RAP1A: variants seen among roughly 807,000 people sequenced by gnomAD.
RAP1A encodes ras-related protein Rap-1A.
In RAP1A, 6 loss-of-function variants were observed where a neutral mutation model predicts 26.4. The ratio of observed to expected loss-of-function variants is 0.23; its 90% CI spans 0.12 to 0.45. RAP1A has a LOEUF of 0.45. Ranked by LOEUF, RAP1A falls within the 20% of genes least tolerant of loss-of-function variation. The pLI is 0.99. For missense variants in RAP1A, 121 were observed against 217.2 expected, an observed-to-expected ratio of 0.56 and a Z score of 2.78; for synonymous variants, 73 against 79.4, an observed-to-expected ratio of 0.92 and a Z score of 0.43.
chr1:111,697,461 A>G lies in RAP1A; in HGVS notation c.147A>G (p.Gln49=). The stretch of plus-strand genomic sequence containing the variant: ...CACAGCAAGTTGAAGTCGATTGCCA[A>G]CAGTGTATGCTCGAAATCCTGGATA... ...SYRKQVEVDC[Q]QCMLEILDTA... The change falls in exon 4 of 8, where the codon CAA becomes CAG. Residue 49 remains glutamine (Q), a synonymous_variant. Coordinates refer to ENST00000369709, the MANE Select transcript of RAP1A (RefSeq NM_002884.4). The G allele has an allele frequency of 6.2e-7, 1 of 1,613,380 alleles. No individual in the cohort carries two copies. Among genetic ancestry groups the G allele is most frequent in the South Asian group, 1.1e-5 (1 of 91,040 alleles).
chr1:111,712,315 A>G (rs1658912608), intron 7 of RAP1A, 116 bp from the exon 8 acceptor site: 1 of 152,318 alleles, frequency 6.6e-6, no homozygotes, highest in Non-Finnish European at 1.5e-5. Context: ...TTCTCAAGTT[A>G]TGATCAGCTA....
chr1:111,664,391 A>C (rs1002337449), intron 1 of RAP1A, among the ~76,000 whole-genome samples: 449 of 150,762 alleles, frequency 3.0e-3, no homozygotes, highest in African/African-American at 0.01. Context: ...AAAAAAAAAA[A>C]AAAAAAACAA....
At chr1:111,584,740 T>G (rs924395851) in intron 1 of RAP1A, among the ~76,000 whole-genome samples, 1 of 152,174 alleles carries the variant, frequency 6.6e-6, no homozygotes, top group Non-Finnish European at 1.5e-5. Context: ...ATACTTTATA[T>G]GCCTGATGTG....
chr1:111,685,594 G>T (rs1026251229), intron 1 of RAP1A, among the ~76,000 whole-genome samples: 8 of 152,190 alleles, frequency 5.3e-5, no homozygotes, highest in African/African-American at 1.9e-4. Context: ...ACGCCAGTTA[G>T]AATAGCGATC....
chr1:111,565,193 C>T (rs1157342386), intron 1 of RAP1A, among the ~76,000 whole-genome samples: 1 of 152,106 alleles, frequency 6.6e-6, no homozygotes, highest in Non-Finnish European at 1.5e-5. Flanking sequence ...GCCAGTGTGG[C>T]TGGAGCAGAA....
intron 1 of RAP1A, among the ~76,000 whole-genome samples, chr1:111,688,097 C>CTTTT (rs542315869): frequency 1.6e-5 from 2 of 124,138 alleles, no homozygotes; most frequent in South Asian, 2.4e-4. Flanking sequence ...TTGCCTCCAG[C>CTTTT]TTTTTTTTTT....
intron 1 of RAP1A, among the ~76,000 whole-genome samples, chr1:111,664,908 G>T (rs1571542880): frequency 6.6e-6 from 1 of 152,272 alleles, no homozygotes; most frequent in East Asian, 1.9e-4. Context: ...TACTATTGTT[G>T]TGTTGTTGTT....
At chr1:111,569,018 C>T (rs1657984088) in intron 1 of RAP1A, among the ~76,000 whole-genome samples, 1 of 151,940 alleles carries the variant, frequency 6.6e-6, no homozygotes, top group Admixed American at 6.6e-5. Context: ...TTTTATTTTG[C>T]ATATTATTGA....
rs1339617971 is a variant in RAP1A at position 111,714,708 on chromosome 1, T to C, written c.*2307T>C. 6.6e-6 allele frequency: 1 copy of C among 152,220 alleles called. No individual in the cohort carries two copies. The highest frequency in any genetic ancestry group is 1.5e-5 in the Non-Finnish European group (1 of 68,046). 9.4% of individuals were successfully genotyped at this position (152,220 alleles called of 1,614,324 possible). On this transcript the variant is annotated 3_prime_UTR_variant, in exon 8 of 8. Transcript: ENST00000369709. ...CTGAGCAGGATGAAAAGTATCCTGT[T>C]AGAAAGTGAGATAGGTGTGTTTTTA...
chr1:111,608,000 C>A (rs1658835721), intron 1 of RAP1A: 1 of 151,076 alleles, frequency 6.6e-6, no homozygotes, highest in African/African-American at 2.5e-5. Context: ...GGGGGCTGAC[C>A]CCCACCTCCC....
chr1:111,706,813 A>C, intron 6 of RAP1A: 1 of 865,330 alleles, frequency 1.2e-6, no homozygotes, highest in East Asian at 1.2e-4. Context: ...ATTTAGAATA[A>C]TACTACAAGC....
intron 1 of RAP1A, among the ~76,000 whole-genome samples, chr1:111,549,740 C>T (rs1174570778): frequency 6.6e-6 from 1 of 152,038 alleles, no homozygotes; most frequent in Non-Finnish European, 1.5e-5. Context: ...CCTCAAACTT[C>T]TGGACTCAGG....
chr1:111,625,484 A>G (rs561047255), intron 1 of RAP1A, among the ~76,000 whole-genome samples: 46 of 152,348 alleles, frequency 3.0e-4, no homozygotes, highest in African/African-American at 9.9e-4. Flanking sequence ...CAGATATGTC[A>G]GATGTGTAAT....
chr1:111,676,841 T>C (rs1010786459), intron 1 of RAP1A, among the ~76,000 whole-genome samples: 2 of 152,036 alleles, frequency 1.3e-5, no homozygotes, highest in African/African-American at 4.8e-5. Flanking sequence ...TTGTGCAGGC[T>C]GGAGTGCAGT....
intron 6 of RAP1A, 81 bp downstream of exon 6, chr1:111,704,567 TTTTTATC>T (rs1169139122): frequency 1.6e-5 from 22 of 1,372,824 alleles, no homozygotes; most frequent in African/African-American, 4.4e-5. Context: ...TAAGAAAAAA[TTTTTATC>T]TTTTAAGCAA....
At chr1:111,653,518 A>G in intron 1 of RAP1A, among the ~76,000 whole-genome samples, 1 of 151,830 alleles carries the variant, frequency 6.6e-6, no homozygotes, top group East Asian at 1.9e-4. Context: ...CCCCGTCTCT[A>G]CTAAAAATAC....
At chr1:111,594,062 G>T (rs1013969645) in intron 1 of RAP1A, among the ~76,000 whole-genome samples, 7 of 152,092 alleles carry the variant, frequency 4.6e-5, no homozygotes, top group Non-Finnish European at 7.4e-5. Flanking sequence ...CTCCAGCAAC[G>T]TTTCACTTCA....
At chr1:111,693,111 C>T (rs1010312990) in intron 2 of RAP1A, among the ~76,000 whole-genome samples, 4 of 152,138 alleles carry the variant, frequency 2.6e-5, no homozygotes, top group African/African-American at 4.8e-5. Context: ...GAGGATCTAG[C>T]ATAGAAGAAG....
chr1:111,553,325 A>G (rs1253942159), intron 1 of RAP1A, among the ~76,000 whole-genome samples: 1 of 152,238 alleles, frequency 6.6e-6, no homozygotes, highest in African/African-American at 2.4e-5. Context: ...CATGACATAT[A>G]CAGCATTGAT....
Sources: allele counts gnomAD v4.1 joint callset (sites outside exome capture counted in the v4.1 genomes callset), GRCh38; gene constraint gnomAD v4.1.1; transcripts MANE v1.5; gene names NCBI Gene and HGNC (gene_info 2026-07-23, HGNC 2026-07-21).